TRMT11: variants seen among roughly 807,000 people sequenced by gnomAD.
TRMT11 encodes the protein tRNA (guanine(10)-N(2))-methyltransferase TRMT11.
TRMT11 carries 53 observed loss-of-function variants against 62.8 expected under a neutral mutation model. That is an observed-to-expected ratio of 0.84 (90% CI 0.68 to 1.06). TRMT11 has a LOEUF of 1.06. Ranked by LOEUF, TRMT11 falls within the 50% of genes least tolerant of loss-of-function variation. The pLI, the probability that TRMT11 is intolerant of heterozygous loss-of-function variation, is 0.00. For missense variants in TRMT11, 556 were observed against 553.4 expected, an observed-to-expected ratio of 1.00 and a Z score of -0.05; for synonymous variants, 188 against 190.3, an observed-to-expected ratio of 0.99 and a Z score of 0.10.
At chr6:126,270,574 A>T in the TRMT11 span, among the ~76,000 whole-genome samples, 2 of 152,218 alleles carry the variant, frequency 1.3e-5, no homozygotes, top group South Asian at 4.1e-4. Context: ...TGTTACACTT[A>T]TTGCATTTGA....
chr6:126,143,515 A>G (rs1243428593), intron 21 of TRMT11, among the ~76,000 whole-genome samples: 1 of 152,062 alleles, frequency 6.6e-6, no homozygotes, highest in South Asian at 2.1e-4. Flanking sequence ...TTTTTCTTTT[A>G]TTTTTGGATA....
the TRMT11 span, among the ~76,000 whole-genome samples, chr6:126,258,544 A>G: frequency 5.9e-4 from 90 of 152,312 alleles, no homozygotes; most frequent in South Asian, 1.2e-3. Context: ...TTTTTATTAC[A>G]GAATCAATTT....
chr6:126,147,567 T>G (rs1777987867), intron 21 of TRMT11, among the ~76,000 whole-genome samples: 1 of 152,104 alleles, frequency 6.6e-6, no homozygotes, highest in Admixed American at 6.6e-5. Flanking sequence ...GTCCATGTAT[T>G]AAGGAATTTG....
chr6:126,113,431 A>G (rs1198039985), intron 18 of TRMT11, among the ~76,000 whole-genome samples: 1 of 152,118 alleles, frequency 6.6e-6, no homozygotes, highest in Non-Finnish European at 1.5e-5. Context: ...TGGTTGAGGC[A>G]GTGGAGTGAG....
chr6:126,184,698 G>A (rs1488693486), intron 1 of TRMT11, among the ~76,000 whole-genome samples: 1 of 152,166 alleles, frequency 6.6e-6, no homozygotes, highest in East Asian at 1.9e-4. Flanking sequence ...CTGAAGGAAA[G>A]TAGCTGAGAA....
chr6:126,093,627 A>ATTTTTT (rs1343339966), intron 17 of TRMT11, among the ~76,000 whole-genome samples: 27 of 94,634 alleles, frequency 2.9e-4, no homozygotes, highest in African/African-American at 1.2e-3. Context: ...ATATATATAT[A>ATTTTTT]TATATTTTCC....
chr6:126,218,226 C>T, the TRMT11 span, among the ~76,000 whole-genome samples: 3 of 152,266 alleles, frequency 2.0e-5, no homozygotes, highest in South Asian at 2.1e-4. Context: ...GTGGCTGAGT[C>T]GGTACCTAAG....
chr6:126,121,854 C>T (rs113109302), intron 21 of TRMT11, among the ~76,000 whole-genome samples: 2,240 of 152,134 alleles, frequency 0.015, 44 homozygotes, highest in African/African-American at 0.052. Flanking sequence ...AACCACCCCC[C>T]ACTCCGCCAC....
chr6:126,128,218 A>G (rs1267848038), intron 21 of TRMT11, among the ~76,000 whole-genome samples: 1 of 152,146 alleles, frequency 6.6e-6, no homozygotes, highest in African/African-American at 2.4e-5. Flanking sequence ...AGATGAGAAC[A>G]TAACAAATGT....
chr6:126,013,247 A>T (rs1273049739), intron 11 of TRMT11, 146 bp downstream of exon 11: 1 of 762,354 alleles, frequency 1.3e-6, no homozygotes, highest in African/African-American at 1.8e-5. Context: ...ATGTGTATAA[A>T]ATAGTCTTTT....
At chr6:126,269,219 C>T in the TRMT11 span, among the ~76,000 whole-genome samples, 1 of 144,640 alleles carries the variant, frequency 6.9e-6, no homozygotes, top group Middle Eastern at 3.6e-3. Context: ...AGCCGAGATC[C>T]CGCCACTGCA....
chr6:126,028,117 A>G (rs1431391092), intron 12 of TRMT11, among the ~76,000 whole-genome samples: 1 of 152,104 alleles, frequency 6.6e-6, no homozygotes, highest in African/African-American at 2.4e-5. Flanking sequence ...CAGCTATTTG[A>G]ATTAAAGTGA....
At position 126,021,143 on chromosome 6, in the gene TRMT11, A is replaced by G. The variant is rs373133267; in HGVS notation, c.1140-17A>G. 6.2e-7 allele frequency: 1 copy of G among 1,613,624 alleles called. No individual in the cohort carries two copies. The highest frequency in any genetic ancestry group is 1.3e-5 in the African/African-American group (1 of 74,948). ...ACACATGTGAGTGTTCCTAACAGTC[A>G]GCTGTTCTTTCTTCAGATACACTGA... is the stretch of plus-strand genomic sequence containing the variant. On this transcript the variant is annotated splice_polypyrimidine_tract_variant and intron_variant, in intron 11 of 12. Transcript: ENST00000334379.
the TRMT11 span, among the ~76,000 whole-genome samples, chr6:126,214,917 G>A: frequency 6.6e-6 from 1 of 151,928 alleles, no homozygotes; most frequent in South Asian, 2.1e-4. Context: ...CTAGGTTTTG[G>A]TATGTTTGGT....
intron 21 of TRMT11, among the ~76,000 whole-genome samples, chr6:126,116,306 G>A (rs1777586358): frequency 6.6e-6 from 1 of 152,158 alleles, no homozygotes; most frequent in South Asian, 2.1e-4. Context: ...CATAGGGGAG[G>A]AAAGCGCACT....
the TRMT11 span, among the ~76,000 whole-genome samples, chr6:126,236,486 G>T: frequency 6.6e-6 from 1 of 151,904 alleles, no homozygotes; most frequent in Admixed American, 6.6e-5. Context: ...ATCTTGTATT[G>T]ATCTTTTATG....
At chr6:126,012,631 G>T in intron 9 of TRMT11, 140 bp from the exon 10 acceptor site, 1 of 602,258 alleles carries the variant, frequency 1.7e-6, no homozygotes, top group Non-Finnish European at 3.0e-6. Context: ...TCTTTATGTT[G>T]TACATTTTCA....
At chr6:126,012,496 G>A (rs911349957) in intron 9 of TRMT11, among the ~76,000 whole-genome samples, 1 of 152,272 alleles carries the variant, frequency 6.6e-6, no homozygotes, top group African/African-American at 2.4e-5. Flanking sequence ...CTACTCTAGA[G>A]TCAGGTATTG....
the TRMT11 span, among the ~76,000 whole-genome samples, chr6:126,223,833 C>G: frequency 6.6e-6 from 1 of 152,244 alleles, no homozygotes; most frequent in East Asian, 1.9e-4. Flanking sequence ...TCCCATATTT[C>G]TTGGAGGTTT....
Sources: gnomAD v4.1 joint callset for allele counts (sites outside exome capture counted in the v4.1 genomes callset) on GRCh38, gnomAD v4.1.1 for gene constraint, MANE v1.5 for transcripts, NCBI Gene and HGNC (gene_info 2026-07-23, HGNC 2026-07-21) for gene names.